Variants in GALNT12 observed in about 807,000 individuals in gnomAD.
GALNT12 encodes UDP-GalNAc:polypeptide N-acetylgalactosaminyltransferase 12.
A neutral mutation model predicts 55.5 loss-of-function variants in GALNT12; 45 were observed. The ratio of observed to expected loss-of-function variants is 0.81; its 90% CI spans 0.64 to 1.04. The LOEUF (loss-of-function observed/expected upper bound fraction) is 1.04, where lower values mean the gene tolerates loss of function less well. Ranked by LOEUF, GALNT12 falls within the 50% of genes least tolerant of loss-of-function variation. GALNT12 has a pLI of 0.00. For missense variants in GALNT12, 709 were observed against 754.8 expected (o/e 0.94, Z 0.71); for synonymous variants, 304 against 312.2 (o/e 0.97, Z 0.28).
chr9:98,812,964 A>G (rs1835525639), intron 1 of GALNT12, among the ~76,000 whole-genome samples: 1 of 152,206 alleles, frequency 6.6e-6, no homozygotes, highest in Non-Finnish European at 1.5e-5. Context: ...TTGCTCCAAT[A>G]TTTTAATTCT....
intron 1 of GALNT12, 104 bp from the exon 2 acceptor site, chr9:98,823,152 G>T: frequency 9.6e-7 from 1 of 1,044,366 alleles, no homozygotes; most frequent in Non-Finnish European, 1.5e-6. Context: ...AGTGGATTAT[G>T]TCCCCTTCCG....
chr9:98,844,328 G>C (rs897368259), intron 8 of GALNT12, 119 bp downstream of exon 8: 7 of 734,360 alleles, frequency 9.5e-6, no homozygotes, highest in Non-Finnish European at 1.7e-5. Flanking sequence ...GCCTAGGGTG[G>C]CCAGACTCAG....
At chr9:98,827,187 T>C (rs996073881) in intron 3 of GALNT12, among the ~76,000 whole-genome samples, 5 of 152,198 alleles carry the variant, frequency 3.3e-5, no homozygotes, top group Admixed American at 2.0e-4. Flanking sequence ...TTATTATTCC[T>C]TCTTTTTTCT....
chr9:98,843,402 T>TC, intron 7 of GALNT12, among the ~76,000 whole-genome samples: 1 of 137,166 alleles, frequency 7.3e-6, no homozygotes, highest in East Asian at 2.0e-4. Flanking sequence ...AAATTAATTC[T>TC]TTTTTTTTTT....
rs952028579 is a variant in GALNT12, at chr9:98,849,810, CACT to C, written c.*720_*722del. 5.7e-5 allele frequency: 22 copies of C among 385,722 alleles called. No homozygotes were observed. In the South Asian group the frequency reaches 1.2e-3, roughly 20 times the overall value. 23.9% of individuals were successfully genotyped at this position (385,722 alleles called of 1,614,324 possible). Reference sequence around the variant, plus strand: ...CGCACTGTAGTGTGGCTGGTTCTACCACTATGACTTTAAAACATGTTTATATCA... The same window carrying C: ...CGCACTGTAGTGTGGCTGGTTCTACCATGACTTTAAAACATGTTTATATCA... On this transcript the variant is annotated 3_prime_UTR_variant, in exon 10 of 10. Transcript: ENST00000375011.
In GALNT12 at chr9:98,849,330, G is replaced by T; in HGVS notation, c.*238G>T. The T allele has an allele frequency of 1.7e-6, 1 of 600,986 alleles. No individual in the cohort carries two copies. Among genetic ancestry groups the T allele is most frequent in the South Asian group, 2.1e-5 (1 of 48,486 alleles). 37.2% of individuals were successfully genotyped at this position (600,986 alleles called of 1,614,324 possible). Reference sequence around the variant, plus strand: ...AATACCCTATTTTCAAAGGGTAATCGTAAGATGTTAACCCTTGGTATTTAG... The same window carrying T: ...AATACCCTATTTTCAAAGGGTAATCTTAAGATGTTAACCCTTGGTATTTAG... On this transcript the variant is annotated 3_prime_UTR_variant, in exon 10 of 10. Coordinates refer to ENST00000375011, the MANE Select transcript of GALNT12 (RefSeq NM_024642.5).
At chr9:98,837,296 A>G in intron 6 of GALNT12, 148 bp downstream of exon 6, 1 of 776,194 alleles carries the variant, frequency 1.3e-6, no homozygotes, top group Non-Finnish European at 2.3e-6. Flanking sequence ...TTATTCCTCC[A>G]TTTATAATAA....
Position 98,826,898 on chromosome 9 carries a change from C to G in GALNT12, c.688C>G (p.His230Asp), listed in dbSNP as rs766820711. Residue 230 changes from histidine to aspartate, a missense_variant, in exon 3 of 10, where the codon CAC becomes GAC. His to Asp is a moderately conservative substitution (Grantham distance 81). Coordinates refer to ENST00000375011, the MANE Select transcript of GALNT12 (RefSeq NM_024642.5). ...CGATGTTCTGACCTTCCTGGACTGT[C>G]ACTGTGAGTGCCACGAAGGGTGGCT... ...RGDVLTFLDC[H>D]CECHEGWLEP... is the part of the protein sequence containing the mutation. 1 of 1,583,440 alleles carries G rather than the reference C, an allele frequency of 6.3e-7. No homozygotes were observed. Among genetic ancestry groups the G allele is most frequent in the East Asian group, 2.3e-5 (1 of 43,332 alleles).
intron 1 of GALNT12, among the ~76,000 whole-genome samples, chr9:98,813,834 T>A (rs1238956130): frequency 6.6e-6 from 1 of 152,044 alleles, no homozygotes; most frequent in African/African-American, 2.4e-5. Flanking sequence ...TTTATCAAGA[T>A]TTTTTGGGTG....
At chr9:98,819,911 T>G in intron 1 of GALNT12, among the ~76,000 whole-genome samples, 1 of 152,194 alleles carries the variant, frequency 6.6e-6, no homozygotes, top group African/African-American at 2.4e-5. Context: ...CTACCTTTCT[T>G]AGCCTTTAAC....
rs115248420 is a variant in GALNT12, at chr9:98,814,016, G to A, written c.371+5947G>A. On this transcript the variant is annotated intron_variant, in intron 1 of 9. Coordinates refer to ENST00000375011, the MANE Select transcript of GALNT12 (RefSeq NM_024642.5). Reference sequence around the variant, plus strand: ...CTTAAATATAAAAGAAAATATATTGGGTTCTATTATAGAAAAGTCTGGGAT... The same window carrying A: ...CTTAAATATAAAAGAAAATATATTGAGTTCTATTATAGAAAAGTCTGGGAT... Among the ~76,000 whole-genome samples, 1,202 of 152,218 alleles carry A rather than the reference G, an allele frequency of 7.9e-3. 17 individuals are homozygous for A. The highest frequency in any genetic ancestry group is 0.027 in the African/African-American group (1,133 of 41,516).
chr9:98,811,811 T>C (rs1835503075), intron 1 of GALNT12, among the ~76,000 whole-genome samples: 1 of 151,528 alleles, frequency 6.6e-6, no homozygotes, highest in Non-Finnish European at 1.5e-5. Context: ...GCCTCCCGAG[T>C]AGCTGGGATT....
At chr9:98,826,102 C>A (rs752909802) in intron 2 of GALNT12, among the ~76,000 whole-genome samples, 7 of 152,168 alleles carry the variant, frequency 4.6e-5, no homozygotes, top group Non-Finnish European at 2.9e-5. Context: ...CCCCTCATGG[C>A]TCTTCAACTT....
chr9:98,841,732 G>A (rs57254071), intron 7 of GALNT12, among the ~76,000 whole-genome samples: 4,602 of 151,118 alleles, frequency 0.03, 247 homozygotes, highest in African/African-American at 0.11. Context: ...GTGCAATGGC[G>A]CGCTCTCAGC....
chr9:98,843,905 A>C (rs1836354181), intron 7 of GALNT12, among the ~76,000 whole-genome samples, 191 bp from the exon 8 acceptor site: 1 of 152,186 alleles, frequency 6.6e-6, no homozygotes, highest in African/African-American at 2.4e-5. Flanking sequence ...AAATAGGGGT[A>C]AGGATTCTTG....
At position 98,826,909 on chromosome 9, in the gene GALNT12, C is replaced by T. The variant is rs1325024267; in HGVS notation, c.699C>T (p.Cys233=). ...CCTTCCTGGACTGTCACTGTGAGTG[C>T]CACGAAGGGTGGCTGGAGCCGCTGC... ...VLTFLDCHCE[C]HEGWLEPLLQ... The change falls in exon 3 of 10, where the codon TGC becomes TGT. Residue 233 remains cysteine (C), a synonymous_variant. Transcript: ENST00000375011. 1.9e-6 allele frequency: 3 copies of T among 1,575,716 alleles called. No homozygotes were observed.
At chr9:98,835,429 G>A in intron 5 of GALNT12, 63 bp downstream of exon 5, 1 of 1,059,618 alleles carries the variant, frequency 9.4e-7, no homozygotes, top group Non-Finnish European at 1.5e-6. Flanking sequence ...GGAACGATGG[G>A]ATTTGCTGTA....
chr9:98,846,177 A>G (rs1450272816), intron 9 of GALNT12, 54 bp downstream of exon 9: 2 of 1,597,134 alleles, frequency 1.3e-6, no homozygotes, highest in Non-Finnish European at 1.7e-6. Context: ...TATAAGGGAG[A>G]GTGTGAGAGT....
intron 1 of GALNT12, among the ~76,000 whole-genome samples, chr9:98,811,354 A>G (rs1030310221): frequency 2.0e-5 from 3 of 152,252 alleles, no homozygotes; most frequent in African/African-American, 7.2e-5. Context: ...TTTAGTTTCC[A>G]TAGAATACGG....
Sources: gnomAD v4.1 joint callset for allele counts (sites outside exome capture counted in the v4.1 genomes callset) on GRCh38, gnomAD v4.1.1 for gene constraint, MANE v1.5 for transcripts, NCBI Gene and HGNC (gene_info 2026-07-23, HGNC 2026-07-21) for gene names.